HK1: variants seen among roughly 807,000 people sequenced by gnomAD.
HK1 encodes the protein hexokinase 1, also known as hexokinase-1.
Under a neutral mutation model 91.6 loss-of-function variants are expected in HK1, and 28 were observed. The observed-to-expected ratio is 0.31, with a 90% CI of 0.23 to 0.42. HK1 has a LOEUF of 0.42. Among genes scored for constraint, HK1 ranks in the 10% least tolerant of loss-of-function variants. The pLI, the probability that HK1 is intolerant of heterozygous loss-of-function variation, is 1.00. For missense variants in HK1, 770 were observed against 1,219.8 expected (o/e 0.63, Z 5.49); for synonymous variants, 430 against 468.1 (o/e 0.92, Z 1.05).
At chr10:69,370,655 C>T (rs1253665248) in intron 7 of HK1, among the ~76,000 whole-genome samples, 1 of 152,132 alleles carries the variant, frequency 6.6e-6, no homozygotes, top group Non-Finnish European at 1.5e-5. Context: ...GTAGGGCAGA[C>T]ATGCAAATAT....
At chr10:69,397,182 G>A (rs975891706) in intron 16 of HK1, among the ~76,000 whole-genome samples, 1 of 152,106 alleles carries the variant, frequency 6.6e-6, no homozygotes. Flanking sequence ...GTGGACTTGC[G>A]GGATCATATG....
chr10:69,385,982 C>T (rs1478923093), intron 12 of HK1, among the ~76,000 whole-genome samples: 2 of 152,172 alleles, frequency 1.3e-5, no homozygotes, highest in African/African-American at 4.8e-5. Context: ...CTCTTCTGTA[C>T]AGCTGGTTAT....
chr10:69,290,050 G>C (rs1845226463), intron 3 of HK1, among the ~76,000 whole-genome samples: 1 of 152,082 alleles, frequency 6.6e-6, no homozygotes, highest in African/African-American at 2.4e-5. Context: ...TATGCTGTAG[G>C]TGGGTCCCTC....
At chr10:69,367,976 C>G (rs1033611697) in intron 4 of HK1, among the ~76,000 whole-genome samples, 1 of 152,234 alleles carries the variant, frequency 6.6e-6, no homozygotes, top group African/African-American at 2.4e-5. Context: ...TCACCACTTA[C>G]AAATGGCGGT....
intron 1 of HK1, among the ~76,000 whole-genome samples, chr10:69,328,934 T>C (rs1249750726): frequency 2.0e-5 from 3 of 152,212 alleles, no homozygotes; most frequent in African/African-American, 7.2e-5. Flanking sequence ...TAGCCTCTTT[T>C]ATTTAGCATA....
Position 69,401,538 on chromosome 10 carries a change from T to C in HK1, c.*403T>C, listed in dbSNP as rs1840391751. On this transcript the variant is annotated 3_prime_UTR_variant, in exon 18 of 18. Coordinates refer to ENST00000359426, the MANE Select transcript of HK1 (RefSeq NM_000188.3). The stretch of plus-strand genomic sequence containing the variant: ...GTTCCCCCTCCCTGTGTGAAATGTA[T>C]TATCACCAGCAGACACTGCCGGGCC... 1 of 351,586 alleles carries C rather than the reference T, an allele frequency of 2.8e-6. No homozygotes were observed. Among genetic ancestry groups the C allele is most frequent in the Non-Finnish European group, 5.5e-6 (1 of 180,374 alleles). The allele number at this position is 351,586 out of a possible 1,614,324, so 21.8% of individuals were successfully genotyped here.
intron 1 of HK1, among the ~76,000 whole-genome samples, chr10:69,334,334 G>C (rs1477851446): frequency 6.6e-6 from 1 of 152,226 alleles, no homozygotes; most frequent in East Asian, 1.9e-4. Context: ...GGAGCCCTGC[G>C]GTGGAATTGA....
At position 69,347,647 on chromosome 10, in the gene HK1, A is replaced by G. The variant is rs558745958; in HGVS notation, c.226+3658A>G. ...GACGAGGTTTCACCATGTTGGCCAG[A>G]CTGGTCTCGAACTCCTGACCTTGTG... On this transcript the variant is annotated intron_variant, in intron 2 of 17. Coordinates refer to ENST00000359426, the MANE Select transcript of HK1 (RefSeq NM_000188.3). 8.6e-5 allele frequency among the ~76,000 whole-genome samples: 13 copies of G among 150,542 alleles called. No individual in the cohort carries two copies. In the South Asian group the frequency reaches 2.8e-3, roughly 32 times the overall value.
At chr10:69,386,736 G>A (rs1385417866) in intron 13 of HK1, 4 of 304,644 alleles carry the variant, frequency 1.3e-5, no homozygotes, top group South Asian at 6.2e-5. Context: ...CTGAGATCAC[G>A]CCACTGCACT....
At chr10:69,379,182 T>G (rs1839263410) in intron 8 of HK1, among the ~76,000 whole-genome samples, 2 of 152,162 alleles carry the variant, frequency 1.3e-5, no homozygotes, top group Admixed American at 1.3e-4. Context: ...AAAAAAGATG[T>G]CTGGAGATAA....
At chr10:69,280,742 G>T (rs1844706777) in intron 1 of HK1, among the ~76,000 whole-genome samples, 1 of 152,170 alleles carries the variant, frequency 6.6e-6, no homozygotes. Flanking sequence ...GGATTTGCCA[G>T]CCTCCAGAAC....
chr10:69,317,620 G>A (rs944103388), upstream of HK1, among the ~76,000 whole-genome samples: 1 of 152,230 alleles, frequency 6.6e-6, no homozygotes, highest in Non-Finnish European at 1.5e-5. Flanking sequence ...TTTAGGCAGA[G>A]GGGCTCTATA....
intron 4 of HK1, chr10:69,300,296 A>G (rs1845793659): frequency 9.5e-6 from 3 of 315,464 alleles, no homozygotes; most frequent in Non-Finnish European, 1.7e-5. Flanking sequence ...AAATATAATC[A>G]TACATATGTA....
intron 1 of HK1, among the ~76,000 whole-genome samples, chr10:69,340,839 C>A (rs1848250747): frequency 6.6e-6 from 1 of 152,214 alleles, no homozygotes; most frequent in Admixed American, 6.5e-5. Context: ...TTATGTGGCT[C>A]ATCAGGCCCT....
In HK1 at chr10:69,382,470, C is replaced by T. The variant is rs757160115; in HGVS notation, c.1266-17C>T. 6.2e-7 allele frequency: 1 copy of T among 1,613,930 alleles called. No individual in the cohort carries two copies. The highest frequency in any genetic ancestry group is 1.1e-5 in the South Asian group (1 of 91,062). ...CTCAGTCCAGCTGTTGTGGAATGTC[C>T]CCCCTGCCCCCATAAGGTATTCCCG... is the stretch of plus-strand genomic sequence containing the variant. On this transcript the variant is annotated splice_polypyrimidine_tract_variant and intron_variant, in intron 9 of 17. Transcript: ENST00000359426.
intron 4 of HK1, among the ~76,000 whole-genome samples, chr10:69,367,738 C>T (rs918011933): frequency 1.3e-5 from 2 of 152,092 alleles, no homozygotes; most frequent in African/African-American, 2.4e-5. Context: ...AATCTTCCAA[C>T]CCTGCTGCAT....
chr10:69,362,667 A>G (rs1849493502), intron 3 of HK1, among the ~76,000 whole-genome samples: 3 of 152,104 alleles, frequency 2.0e-5, no homozygotes, highest in Admixed American at 1.3e-4. Context: ...GGTCCCATTC[A>G]TGGGAATCCA....
chr10:69,339,555 GGCCGTTCT>G (rs1848191895), intron 1 of HK1, among the ~76,000 whole-genome samples: 2 of 152,218 alleles, frequency 1.3e-5, no homozygotes, highest in Non-Finnish European at 1.5e-5. Context: ...TTGAGGACCA[GGCCGTTCT>G]CTGTGTCTGC....
chr10:69,342,000 T>C (rs1228726577), intron 1 of HK1, among the ~76,000 whole-genome samples: 3 of 151,758 alleles, frequency 2.0e-5, no homozygotes, highest in Non-Finnish European at 2.9e-5. Context: ...ATACAAAAAT[T>C]AGCAGGGCGT....
Sources: gnomAD v4.1 joint callset for allele counts (sites outside exome capture counted in the v4.1 genomes callset) on GRCh38, gnomAD v4.1.1 for gene constraint, MANE v1.5 for transcripts, NCBI Gene and HGNC (gene_info 2026-07-23, HGNC 2026-07-21) for gene names.